GPHN: variants seen among roughly 807,000 people sequenced by gnomAD.
GPHN encodes the protein gephyrin.
GPHN carries 17 observed loss-of-function variants against 95.5 expected under a neutral mutation model. The ratio of observed to expected loss-of-function variants is 0.18; its 90% CI spans 0.12 to 0.27. GPHN has a LOEUF of 0.27. Ranked by LOEUF, GPHN falls within the 10% of genes least tolerant of loss-of-function variation. GPHN has a pLI of 1.00. For missense variants in GPHN, 660 were observed against 978.1 expected (o/e 0.67, Z 4.34); for synonymous variants, 320 against 322.5 (o/e 0.99, Z 0.08).
At chr14:66,604,768 C>T (rs2062433792) in intron 1 of GPHN, among the ~76,000 whole-genome samples, 1 of 151,964 alleles carries the variant, frequency 6.6e-6, no homozygotes, top group African/African-American at 2.4e-5. Flanking sequence ...TTGCATGATG[C>T]TGAGGTTTGG....
chr14:67,329,228 T>C, the GPHN span, among the ~76,000 whole-genome samples: 1 of 152,200 alleles, frequency 6.6e-6, no homozygotes, highest in Admixed American at 6.5e-5. Flanking sequence ...TATTTTATTC[T>C]CTTTGTAGCA....
intron 1 of GPHN, among the ~76,000 whole-genome samples, chr14:66,627,224 A>T (rs1340842749): frequency 6.6e-6 from 1 of 151,970 alleles, no homozygotes; most frequent in Admixed American, 6.6e-5. Flanking sequence ...TTCTCTTCCC[A>T]GTAGTAACCC....
At chr14:66,709,563 A>C in intron 2 of GPHN, 1 of 339,250 alleles carries the variant, frequency 2.9e-6, no homozygotes, top group Non-Finnish European at 6.0e-6. Context: ...ATTTCATCAT[A>C]CTCCTCAGAC....
At chr14:66,899,924 T>C (rs541970044) in intron 5 of GPHN, among the ~76,000 whole-genome samples, 1 of 151,920 alleles carries the variant, frequency 6.6e-6, no homozygotes, top group Admixed American at 6.6e-5. Flanking sequence ...TTTTTTACTA[T>C]AAATTGAATT....
At chr14:67,143,529 T>C (rs1206982438) in intron 18 of GPHN, 80 bp downstream of exon 18, 7 of 899,030 alleles carry the variant, frequency 7.8e-6, no homozygotes, top group South Asian at 3.9e-5. Flanking sequence ...CTGGTAGGCA[T>C]CTGATATTCA....
chr14:66,539,447 T>G (rs2059271150), intron 1 of GPHN, among the ~76,000 whole-genome samples: 1 of 139,966 alleles, frequency 7.1e-6, no homozygotes, highest in South Asian at 2.4e-4. Flanking sequence ...AGAGTTTCGC[T>G]CTTGTTGCCC....
chr14:67,218,509 G>C, the GPHN span, among the ~76,000 whole-genome samples: 1 of 152,162 alleles, frequency 6.6e-6, no homozygotes, highest in African/African-American at 2.4e-5. Flanking sequence ...TGGCAGCCTG[G>C]GGCATGTCAA....
intron 10 of GPHN, among the ~76,000 whole-genome samples, chr14:67,025,217 T>TA (rs900998100): frequency 1.3e-5 from 2 of 152,196 alleles, no homozygotes; most frequent in African/African-American, 2.4e-5. Context: ...TTATCCTTGG[T>TA]AAAAATCTGT....
chr14:66,814,372 C>G lies in GPHN; in HGVS notation c.202-10102C>G, dbSNP rs533071946. Among the ~76,000 whole-genome samples, 5 of 152,318 alleles carry G rather than the reference C, an allele frequency of 3.3e-5. 1 individual carries two copies. The South Asian group carries it at 1.0e-3, about 32-fold the overall frequency. On this transcript the variant is annotated intron_variant, in intron 3 of 22. Transcript: ENST00000478722. ...CCCACCAGCTGTGTTGCCTCCACCA[C>G]TATGGTGAACACCTGCAGGGAGGCA...
chr14:67,127,152 T>A (rs894364633), intron 17 of GPHN, among the ~76,000 whole-genome samples: 8 of 150,996 alleles, frequency 5.3e-5, no homozygotes, highest in Non-Finnish European at 1.2e-4. Context: ...TACCTAATGC[T>A]AGAAGACGAG....
At chr14:67,265,202 G>A in the GPHN span, among the ~76,000 whole-genome samples, 1 of 152,182 alleles carries the variant, frequency 6.6e-6, no homozygotes, top group East Asian at 1.9e-4. Context: ...CCTAAACCAT[G>A]AACTATATGG....
At chr14:67,433,333 G>A in the GPHN span, among the ~76,000 whole-genome samples, 4 of 152,112 alleles carry the variant, frequency 2.6e-5, no homozygotes, top group Non-Finnish European at 5.9e-5. Context: ...GTAAGAGTGG[G>A]ACAGAGAGAA....
chr14:66,672,997 A>G (rs1439942140), intron 1 of GPHN, among the ~76,000 whole-genome samples: 1 of 148,608 alleles, frequency 6.7e-6, no homozygotes, highest in East Asian at 2.0e-4. Flanking sequence ...TTTGTCTCCC[A>G]CTCTTCTACC....
the GPHN span, among the ~76,000 whole-genome samples, chr14:67,257,832 T>G: frequency 1.3e-5 from 2 of 152,184 alleles, no homozygotes; most frequent in Admixed American, 1.3e-4. Context: ...GTTTGCTTTT[T>G]TTAAAAAATA....
chr14:66,656,979 G>T (rs1653332751), intron 1 of GPHN, among the ~76,000 whole-genome samples: 1 of 152,128 alleles, frequency 6.6e-6, no homozygotes, highest in Non-Finnish European at 1.5e-5. Context: ...ACTGAGAAAG[G>T]CATGTCACAA....
the GPHN span, chr14:67,364,536 G>A: frequency 4.7e-6 from 2 of 421,828 alleles, no homozygotes. Flanking sequence ...ACTAAAGGCA[G>A]AGAATCACCC....
chr14:66,894,154 C>G lies in GPHN; in HGVS notation c.389+14121C>G, dbSNP rs1248040489. On this transcript the variant is annotated intron_variant, in intron 5 of 22. Coordinates refer to ENST00000478722, the MANE Select transcript of GPHN (RefSeq NM_020806.5). ...AACCAAAACAGCATGGTACTGGTAC[C>G]AAAACAGAGATATAGACCACTGGAA... 2.6e-5 allele frequency among the ~76,000 whole-genome samples: 4 copies of G among 152,036 alleles called. No individual in the cohort carries two copies. The East Asian group carries it at 5.8e-4, about 22-fold the overall frequency.
the GPHN span, among the ~76,000 whole-genome samples, chr14:67,440,557 G>A: frequency 6.6e-6 from 1 of 152,140 alleles, no homozygotes; most frequent in Admixed American, 6.5e-5. Context: ...TTTGAGACCA[G>A]CCTGGCCAAC....
intron 9 of GPHN, among the ~76,000 whole-genome samples, chr14:66,988,997 C>G (rs1375950417): frequency 6.6e-6 from 1 of 151,944 alleles, no homozygotes; most frequent in Non-Finnish European, 1.5e-5. Flanking sequence ...TCTTATTTCT[C>G]AGCTTGTTTT....
Sources: gnomAD v4.1 joint callset for allele counts (sites outside exome capture counted in the v4.1 genomes callset) on GRCh38, gnomAD v4.1.1 for gene constraint, MANE v1.5 for transcripts, NCBI Gene and HGNC (gene_info 2026-07-23, HGNC 2026-07-21) for gene names.